The following CDH23 variants were observed in gnomAD, a reference collection of about 807,000 sequenced individuals.
The protein encoded by CDH23 is cadherin-23.
Under a neutral mutation model 317.1 loss-of-function variants are expected in CDH23, and 189 were observed. The ratio of observed to expected loss-of-function variants is 0.60; its 90% CI spans 0.53 to 0.67. CDH23 has a LOEUF of 0.67. Ranked by LOEUF, CDH23 falls within the 30% of genes least tolerant of loss-of-function variation. The pLI, the probability that CDH23 is intolerant of heterozygous loss-of-function variation, is 0.00. For synonymous variants in CDH23, 1,839 were observed against 1,876.8 expected (o/e 0.98, Z 0.52); for missense variants, 4,401 against 4,592.4 (o/e 0.96, Z 1.20).
chr10:71,477,399 C>G (rs1851849039), intron 3 of CDH23, among the ~76,000 whole-genome samples: 1 of 152,208 alleles, frequency 6.6e-6, no homozygotes, highest in South Asian at 2.1e-4. Flanking sequence ...AAACTCCTGA[C>G]CTCAGGTGAT....
At chr10:71,675,273 GA>G (rs1864313414) in intron 15 of CDH23, 97 bp downstream of exon 15, 1 of 999,452 alleles carries the variant, frequency 1.0e-6, no homozygotes. Context: ...CCCAGGGAGG[GA>G]GGTGCTGGGT....
intron 14 of CDH23, among the ~76,000 whole-genome samples, chr10:71,649,173 T>G (rs1391272538): frequency 2.0e-5 from 3 of 151,932 alleles, no homozygotes; most frequent in Admixed American, 6.6e-5. Flanking sequence ...CCTGCCCTGC[T>G]CTTGGCCTCC....
chr10:71,732,554 C>T (rs1839428072), intron 32 of CDH23, 179 bp downstream of exon 32: 1 of 1,315,758 alleles, frequency 7.6e-7, no homozygotes, highest in African/African-American at 1.5e-5. Flanking sequence ...ATTGCTTCAG[C>T]TCAGGAGTTT....
At position 71,801,077 on chromosome 10, in the gene CDH23, C is replaced by T. The variant is rs577199935; in HGVS notation, c.7482+322C>T. ...CATGGCCCAGTATCACCATAGTGTC[C>T]CATTGAAAGAAACACAGTCCAGAAA... On this transcript the variant is annotated intron_variant, in intron 53 of 69. Transcript: ENST00000224721. Among the ~76,000 whole-genome samples the T allele has an allele frequency of 2.0e-5, 3 of 151,840 alleles. No homozygotes were observed. The South Asian group carries it at 6.3e-4, about 32-fold the overall frequency.
At position 71,790,344 on chromosome 10, in the gene CDH23, A is replaced by T. The variant is rs1841213855; in HGVS notation, c.5980A>T (p.Ile1994Phe). ...PILALDADQD[I>F]YAVVTYQLLG... ...CCTGGCCCTGGATGCAGACCAAGAC[A>T]TCTACGCCGTGGTGACCTACCAGCT... The change falls in exon 46 of 70, where the codon ATC becomes TTC. Residue 1994 changes from isoleucine to phenylalanine, a missense_variant. This residue lies in a region of CDH23 where 3,068 missense variants were observed against 3,203.3 expected (regional missense o/e 0.96). Coordinates refer to ENST00000224721, the MANE Select transcript of CDH23 (RefSeq NM_022124.6). 2 of 1,613,878 alleles carry T rather than the reference A, an allele frequency of 1.2e-6. No individual in the cohort carries two copies. Among genetic ancestry groups the T allele is most frequent in the Non-Finnish European group, 1.7e-6 (2 of 1,179,854 alleles).
intron 18 of CDH23, among the ~76,000 whole-genome samples, 197 bp from the exon 19 acceptor site, chr10:71,687,450 C>T (rs1864953260): frequency 6.6e-6 from 1 of 152,124 alleles, no homozygotes; most frequent in Non-Finnish European, 1.5e-5. Flanking sequence ...AAGGCTGGTC[C>T]TACCTCCTAG....
At chr10:71,797,062 G>A in intron 48 of CDH23, 42 bp from the exon 49 acceptor site, 1 of 1,352,752 alleles carries the variant, frequency 7.4e-7, no homozygotes, top group Non-Finnish European at 1.1e-6. Context: ...CAGATTTTAG[G>A]GGGTTCTTCT....
At chr10:71,406,097 C>G (rs1251701184) in intron 1 of CDH23, among the ~76,000 whole-genome samples, 1 of 151,428 alleles carries the variant, frequency 6.6e-6, no homozygotes, top group Non-Finnish European at 1.5e-5. Context: ...TTCATTGCAG[C>G]CTTGACCTCC....
At chr10:71,536,659 T>C (rs879594376) in intron 6 of CDH23, among the ~76,000 whole-genome samples, 1 of 152,048 alleles carries the variant, frequency 6.6e-6, no homozygotes, top group Non-Finnish European at 1.5e-5. Flanking sequence ...ACAATGGAAA[T>C]CCATTGCTGA....
intron 6 of CDH23, among the ~76,000 whole-genome samples, chr10:71,524,587 C>T (rs1029033604): frequency 5.3e-5 from 8 of 152,114 alleles, no homozygotes; most frequent in South Asian, 2.1e-4. Flanking sequence ...CCAAAGATGG[C>T]CACATCAGAA....
chr10:71,422,737 T>C (rs534394275), intron 1 of CDH23, among the ~76,000 whole-genome samples: 2 of 152,298 alleles, frequency 1.3e-5, no homozygotes, highest in Non-Finnish European at 2.9e-5. Context: ...GTGGGTGGCT[T>C]TCCTAGCTGA....
In CDH23 at chr10:71,456,604, G is replaced by A. The variant is rs567659118; in HGVS notation, c.145+10209G>A. Among the ~76,000 whole-genome samples, 141 of 152,296 alleles carry A rather than the reference G, an allele frequency of 9.3e-4. 1 individual carries two copies. The highest frequency in any genetic ancestry group is 3.0e-3 in the African/African-American group (125 of 41,550). On this transcript the variant is annotated intron_variant, in intron 3 of 69. Transcript: ENST00000224721. ...TGATAATGATGATGTGCCACCTGTCGTGTGAGCATGCCATTAATGCCAGGC... is the reference window on the plus strand; with the variant it reads ...TGATAATGATGATGTGCCACCTGTCATGTGAGCATGCCATTAATGCCAGGC...
rs1295436762 is a variant in CDH23 at position 71,732,219 on chromosome 10, C to T, written c.3948C>T (p.Ala1316=). ...ACGAGGCCGTGCAGTTCTCCAATGCCTCATACGAGGCTGCCATCCTGGAGA... is the reference window on the plus strand; with the variant it reads ...ACGAGGCCGTGCAGTTCTCCAATGCTTCATACGAGGCTGCCATCCTGGAGA... ...ELDEAVQFSN[A]SYEAAILENL... Residue 1316 remains alanine (A), a synonymous_variant, in exon 32 of 70, where the codon GCC becomes GCT. Coordinates refer to ENST00000224721, the MANE Select transcript of CDH23 (RefSeq NM_022124.6). 1 of 1,613,784 alleles carries T rather than the reference C, an allele frequency of 6.2e-7. No homozygotes were observed.
At chr10:71,780,251 ATCCCTGCCCCGTAGAACGTACG>A (rs1840916686) in intron 41 of CDH23, among the ~76,000 whole-genome samples, 1 of 152,208 alleles carries the variant, frequency 6.6e-6, no homozygotes, top group South Asian at 2.1e-4. Flanking sequence ...ACAGATGCAA[ATCCCTGCCCCGTAGAACGTACG>A]TTCCAGTTGG....
chr10:71,773,523 G>T, intron 38 of CDH23: 1 of 1,325,492 alleles, frequency 7.5e-7, no homozygotes. Context: ...CCGCGACTGA[G>T]TGCGAGCGAG....
chr10:71,702,711 T>G lies in CDH23; in HGVS notation c.2733+17T>G, dbSNP rs372160279. The G allele has an allele frequency of 3.8e-4, 610 of 1,613,360 alleles. 5 individuals are homozygous for G. The highest frequency in any genetic ancestry group is 6.1e-5 in the Non-Finnish European group (72 of 1,179,858). ...ATCTACCAAGTGAGTCTCTATCATCTCATTCCTACCAGCCCAGAGGTGGGC... is the reference window on the plus strand; with the variant it reads ...ATCTACCAAGTGAGTCTCTATCATCGCATTCCTACCAGCCCAGAGGTGGGC... On this transcript the variant is annotated intron_variant, in intron 24 of 69. Coordinates refer to ENST00000224721, the MANE Select transcript of CDH23 (RefSeq NM_022124.6).
chr10:71,784,428 TG>T lies in CDH23; in HGVS notation c.5502+13del, dbSNP rs759962939. 7 of 1,611,206 alleles carry T rather than the reference TG, an allele frequency of 4.3e-6. No homozygotes were observed. In the African/African-American group the frequency reaches 6.7e-5, roughly 15 times the overall value. On this transcript the variant is annotated intron_variant, in intron 42 of 69. Coordinates refer to ENST00000224721, the MANE Select transcript of CDH23 (RefSeq NM_022124.6). ...CCCCCACTCAGCTCCACAGTGAGTCTGGGGGCCCCACCCGCTGGCTTCACCT... is the reference window on the plus strand; with the variant it reads ...CCCCCACTCAGCTCCACAGTGAGTCTGGGGCCCCACCCGCTGGCTTCACCT...
intron 6 of CDH23, among the ~76,000 whole-genome samples, chr10:71,528,267 C>T (rs1251898069): frequency 6.6e-6 from 1 of 152,038 alleles, no homozygotes; most frequent in African/African-American, 2.4e-5. Flanking sequence ...ACCGCCAGGC[C>T]TCTTGGGACT....
chr10:71,569,847 A>G (rs897011790), intron 7 of CDH23, among the ~76,000 whole-genome samples: 1 of 152,194 alleles, frequency 6.6e-6, no homozygotes, highest in Non-Finnish European at 1.5e-5. Flanking sequence ...CTACTTAAAC[A>G]GTAGAAGATA....
Sources: allele counts gnomAD v4.1 joint callset (sites outside exome capture counted in the v4.1 genomes callset), GRCh38; gene constraint gnomAD v4.1.1; regional missense constraint gnomAD v4.1.1; transcripts MANE v1.5; gene names NCBI Gene and HGNC (gene_info 2026-07-23, HGNC 2026-07-21).